Variants in SUSD6 observed in about 807,000 individuals in gnomAD.
SUSD6 encodes the protein sushi domain containing 6, also known as sushi domain-containing protein 6.
In SUSD6, 16 loss-of-function variants were observed where a neutral mutation model predicts 28.4. That is an observed-to-expected ratio of 0.56 (90% CI 0.38 to 0.86). The LOEUF (loss-of-function observed/expected upper bound fraction) is 0.86. Among genes scored for constraint, SUSD6 ranks in the 40% least tolerant of loss-of-function variants. SUSD6 has a pLI of 0.00. For synonymous variants in SUSD6, 147 were observed against 159.6 expected (o/e 0.92, Z 0.59); for missense variants, 341 against 384.2 (o/e 0.89, Z 0.94).
intron 2 of SUSD6, among the ~76,000 whole-genome samples, chr14:69,689,015 A>G (rs1254168824): frequency 2.0e-5 from 3 of 152,138 alleles, no homozygotes; most frequent in African/African-American, 4.8e-5. Context: ...CTCCGTACAC[A>G]TACCACCTCT....
intron 1 of SUSD6, among the ~76,000 whole-genome samples, chr14:69,647,889 G>T (rs959265694): frequency 1.1e-4 from 17 of 152,140 alleles, no homozygotes; most frequent in Admixed American, 3.3e-4. Context: ...GGTGGCTGAG[G>T]CGTGAGAATC....
intron 1 of SUSD6, among the ~76,000 whole-genome samples, chr14:69,622,017 C>T (rs891226862): frequency 2.0e-5 from 3 of 152,166 alleles, no homozygotes; most frequent in African/African-American, 7.2e-5. Context: ...GGTTTTCAGG[C>T]AACACATCTG....
At chr14:69,646,943 C>A (rs1393554608) in intron 1 of SUSD6, among the ~76,000 whole-genome samples, 1 of 152,090 alleles carries the variant, frequency 6.6e-6, no homozygotes, top group Admixed American at 6.5e-5. Context: ...CCTCGTGATC[C>A]GCCCGCCTTG....
chr14:69,690,533 G>C (rs1260892049), intron 2 of SUSD6, among the ~76,000 whole-genome samples: 1 of 152,174 alleles, frequency 6.6e-6, no homozygotes, highest in Non-Finnish European at 1.5e-5. Flanking sequence ...CCAGGAGCAC[G>C]GTATGCTGAG....
At chr14:69,621,627 C>G (rs1595029922) in intron 1 of SUSD6, among the ~76,000 whole-genome samples, 1 of 152,346 alleles carries the variant, frequency 6.6e-6, no homozygotes, top group South Asian at 2.1e-4. Context: ...AGGCATCATT[C>G]ATTCCTGAAA....
At chr14:69,669,456 A>T (rs1429885309) in intron 2 of SUSD6, among the ~76,000 whole-genome samples, 2 of 152,194 alleles carry the variant, frequency 1.3e-5, no homozygotes, top group East Asian at 3.9e-4. Flanking sequence ...GGAGGAATGT[A>T]TATGGAAATC....
chr14:69,703,029 C>T (rs1886334307), intron 2 of SUSD6, among the ~76,000 whole-genome samples: 1 of 152,180 alleles, frequency 6.6e-6, no homozygotes, highest in African/African-American at 2.4e-5. Flanking sequence ...TTCCTCCTTT[C>T]ACTGTGATTT....
At chr14:69,684,693 C>T (rs929196382) in intron 2 of SUSD6, among the ~76,000 whole-genome samples, 1 of 152,240 alleles carries the variant, frequency 6.6e-6, no homozygotes, top group Admixed American at 6.5e-5. Flanking sequence ...ATGAGCAGTT[C>T]CTCTTTGGGG....
At chr14:69,623,515 A>G (rs375140201) in intron 1 of SUSD6, among the ~76,000 whole-genome samples, 2 of 152,192 alleles carry the variant, frequency 1.3e-5, no homozygotes, top group South Asian at 4.1e-4. Flanking sequence ...TATATTTACT[A>G]TACCATGTTT....
chr14:69,612,256 C>T (rs1274784024), intron 1 of SUSD6, among the ~76,000 whole-genome samples: 1 of 152,140 alleles, frequency 6.6e-6, no homozygotes, highest in African/African-American at 2.4e-5. Flanking sequence ...AGCAAAGCTG[C>T]GGGGCTTGCG....
Position 69,666,382 on chromosome 14 carries a change from G to A in SUSD6, c.121+7669G>A, listed in dbSNP as rs188603990. Among the ~76,000 whole-genome samples, 303 of 152,260 alleles carry A rather than the reference G, an allele frequency of 2.0e-3. 2 individuals carry two copies. The highest frequency in any genetic ancestry group is 3.3e-3 in the Non-Finnish European group (223 of 68,026). On this transcript the variant is annotated intron_variant, in intron 2 of 5. Coordinates refer to ENST00000342745, the MANE Select transcript of SUSD6 (RefSeq NM_014734.4). ...ATTCCTCAGGGATGCTATTTGTTAG[G>A]AACATTTGGAGTCAGTTTTGAAACT...
At chr14:69,661,009 T>C (rs1230230725) in intron 2 of SUSD6, among the ~76,000 whole-genome samples, 1 of 152,136 alleles carries the variant, frequency 6.6e-6, no homozygotes, top group Non-Finnish European at 1.5e-5. Flanking sequence ...GGAATGACTG[T>C]CAGAGCAGGA....
intron 2 of SUSD6, among the ~76,000 whole-genome samples, chr14:69,692,499 A>T (rs1886167368): frequency 6.6e-6 from 1 of 152,228 alleles, no homozygotes; most frequent in Non-Finnish European, 1.5e-5. Context: ...GAACAAATCA[A>T]GTTTTATACC....
intron 3 of SUSD6, among the ~76,000 whole-genome samples, chr14:69,704,372 A>C (rs1482890923): frequency 6.6e-6 from 1 of 152,144 alleles, no homozygotes; most frequent in African/African-American, 2.4e-5. Flanking sequence ...GACCTCAAAG[A>C]TTGGAAGTGA....
chr14:69,704,680 TCTC>T lies in SUSD6; in HGVS notation c.403_405del (p.Leu135del). The T allele has an allele frequency of 1.9e-6, 3 of 1,614,158 alleles. No homozygotes were observed. The highest frequency in any genetic ancestry group is 1.1e-5 in the South Asian group (1 of 91,082). On this transcript the variant is annotated inframe_deletion, in exon 4 of 6. Transcript: ENST00000342745. ...CTACTGCCAGCTCCGTGGCGCTCAT[TCTC>T]CTCCTCGTGGTGCTGTTTGTGCTGC...
chr14:69,660,428 A>G (rs996125273), intron 2 of SUSD6, among the ~76,000 whole-genome samples: 1 of 152,214 alleles, frequency 6.6e-6, no homozygotes, highest in Non-Finnish European at 1.5e-5. Flanking sequence ...CCAGGGGGCC[A>G]TGATGATTGG....
chr14:69,635,308 G>A (rs17107137), intron 1 of SUSD6, among the ~76,000 whole-genome samples: 4,442 of 152,272 alleles, frequency 0.029, 80 homozygotes, highest in Middle Eastern at 0.068. Context: ...TTGGAATAGG[G>A]TGTATTGCTT....
At chr14:69,667,112 A>G (rs1326852300) in intron 2 of SUSD6, among the ~76,000 whole-genome samples, 2 of 152,182 alleles carry the variant, frequency 1.3e-5, no homozygotes, top group Non-Finnish European at 1.5e-5. Flanking sequence ...GGTAAGAGGC[A>G]CCAGAGAATG....
chr14:69,645,593 T>C (rs1595039907), intron 1 of SUSD6, among the ~76,000 whole-genome samples: 2 of 152,198 alleles, frequency 1.3e-5, no homozygotes, highest in African/African-American at 4.8e-5. Flanking sequence ...CTCTGAGCTA[T>C]CTGGACCATT....
Sources: allele counts gnomAD v4.1 joint callset (sites outside exome capture counted in the v4.1 genomes callset), GRCh38; gene constraint gnomAD v4.1.1; transcripts MANE v1.5; gene names NCBI Gene and HGNC (gene_info 2026-07-23, HGNC 2026-07-21).